The following EXOC6B variants were observed in gnomAD, a reference collection of about 807,000 sequenced individuals.
EXOC6B encodes SEC15 homolog B.
Under a neutral mutation model 113.5 loss-of-function variants are expected in EXOC6B, and 54 were observed. That is an observed-to-expected ratio of 0.48 (90% CI 0.38 to 0.60). EXOC6B has a LOEUF of 0.60. Among genes scored for constraint, EXOC6B ranks in the 20% least tolerant of loss-of-function variants. EXOC6B has a pLI of 0.00. For missense variants in EXOC6B, 797 were observed against 977.5 expected (o/e 0.82, Z 2.46); for synonymous variants, 357 against 339.0 (o/e 1.05, Z -0.58).
At chr2:72,187,311 A>C (rs550165215) in intron 20 of EXOC6B, among the ~76,000 whole-genome samples, 24 of 151,858 alleles carry the variant, frequency 1.6e-4, no homozygotes, top group Non-Finnish European at 3.1e-4. Flanking sequence ...CTCTTCACCC[A>C]TAATGTGGCA....
At chr2:72,658,537 A>G (rs1674775352) in intron 6 of EXOC6B, among the ~76,000 whole-genome samples, 1 of 151,904 alleles carries the variant, frequency 6.6e-6, no homozygotes, top group South Asian at 2.1e-4. Context: ...CTCTAAATAT[A>G]AATTATATAT....
chr2:72,483,920 A>G (rs1699260115), intron 16 of EXOC6B, among the ~76,000 whole-genome samples: 1 of 152,244 alleles, frequency 6.6e-6, no homozygotes. Context: ...TTTCAAGGAC[A>G]TAAAACTAAT....
At chr2:72,265,237 C>A (rs1256801339) in intron 20 of EXOC6B, among the ~76,000 whole-genome samples, 1 of 124,348 alleles carries the variant, frequency 8.0e-6, no homozygotes, top group Non-Finnish European at 1.7e-5. Flanking sequence ...CTTAACTATT[C>A]TTTTATTATT....
intron 18 of EXOC6B, among the ~76,000 whole-genome samples, chr2:72,401,514 T>TAC (rs1423565394): frequency 1.2e-4 from 6 of 51,484 alleles, no homozygotes; most frequent in East Asian, 3.9e-4. Context: ...TATATATATA[T>TAC]ACATATATAC....
At chr2:72,796,779 T>C (rs1262020226) in intron 1 of EXOC6B, among the ~76,000 whole-genome samples, 2 of 152,124 alleles carry the variant, frequency 1.3e-5, no homozygotes, top group African/African-American at 4.8e-5. Context: ...ATAGTGAAGA[T>C]TTGGAGGAAG....
chr2:72,385,724 G>A (rs920360923), intron 18 of EXOC6B, among the ~76,000 whole-genome samples: 3 of 152,068 alleles, frequency 2.0e-5, no homozygotes, highest in Admixed American at 2.0e-4. Flanking sequence ...TTTCTCAAGA[G>A]AAGACACATG....
intron 20 of EXOC6B, among the ~76,000 whole-genome samples, chr2:72,281,598 A>T (rs1024686094): frequency 6.6e-6 from 1 of 152,242 alleles, no homozygotes; most frequent in African/African-American, 2.4e-5. Flanking sequence ...CAGAAGCAAA[A>T]TCTAGACTGA....
At chr2:72,523,618 A>G (rs1180603281) in intron 8 of EXOC6B, among the ~76,000 whole-genome samples, 1 of 151,962 alleles carries the variant, frequency 6.6e-6, no homozygotes, top group Non-Finnish European at 1.5e-5. Flanking sequence ...CTGTACTACA[A>G]ATACAAAAAG....
At chr2:72,329,998 A>T (rs1164250676) in intron 20 of EXOC6B, among the ~76,000 whole-genome samples, 1 of 152,088 alleles carries the variant, frequency 6.6e-6, no homozygotes, top group African/African-American at 2.4e-5. Context: ...AGCCCTAGAT[A>T]TCTTGGGATG....
At chr2:72,254,002 T>C (rs1683188607) in intron 20 of EXOC6B, among the ~76,000 whole-genome samples, 1 of 151,644 alleles carries the variant, frequency 6.6e-6, no homozygotes. Context: ...CTACTAAAAA[T>C]ATAAAAAATT....
In EXOC6B at chr2:72,675,198, C is replaced by G. The variant is rs13407894; in HGVS notation, c.669+42905G>C. 2.0e-3 allele frequency among the ~76,000 whole-genome samples: 305 copies of G among 152,322 alleles called. 2 individuals carry two copies. The highest frequency in any genetic ancestry group is 7.3e-3 in the African/African-American group (303 of 41,576). Reference sequence around the variant, plus strand: ...GAATATCACTAACTGGTTCTTTGAACTTTGTACTGACTTTCATGTTTGGAA... The same window carrying G: ...GAATATCACTAACTGGTTCTTTGAAGTTTGTACTGACTTTCATGTTTGGAA... On this transcript the variant is annotated intron_variant, in intron 6 of 21. Transcript: ENST00000272427.
At chr2:72,527,825 C>T (rs924320852) in intron 8 of EXOC6B, among the ~76,000 whole-genome samples, 4 of 151,852 alleles carry the variant, frequency 2.6e-5, no homozygotes, top group South Asian at 2.1e-4. Flanking sequence ...ATATCTGCCT[C>T]GGTGAATTGT....
At chr2:72,510,278 TA>T (rs1440455517) in intron 11 of EXOC6B, among the ~76,000 whole-genome samples, 7 of 152,132 alleles carry the variant, frequency 4.6e-5, no homozygotes, top group African/African-American at 1.7e-4. Flanking sequence ...CTCAGAGTGT[TA>T]AATAGTTCAA....
At chr2:72,375,158 C>T (rs1691281894) in intron 19 of EXOC6B, among the ~76,000 whole-genome samples, 1 of 151,960 alleles carries the variant, frequency 6.6e-6, no homozygotes, top group South Asian at 2.1e-4. Context: ...AATAACAGAG[C>T]TTCAAAATGC....
intron 16 of EXOC6B, among the ~76,000 whole-genome samples, chr2:72,485,802 T>C (rs137940921): frequency 6.6e-6 from 1 of 152,288 alleles, no homozygotes; most frequent in East Asian, 1.9e-4. Context: ...AAAGAATAAA[T>C]GCAAAGCACT....
At chr2:72,225,962 C>T (rs747135565) in intron 20 of EXOC6B, among the ~76,000 whole-genome samples, 2 of 152,118 alleles carry the variant, frequency 1.3e-5, no homozygotes, top group Non-Finnish European at 2.9e-5. Flanking sequence ...GAAGTTGTAT[C>T]CATTTATAGT....
chr2:72,682,526 T>C (rs1335039111), intron 6 of EXOC6B, among the ~76,000 whole-genome samples: 1 of 152,144 alleles, frequency 6.6e-6, no homozygotes, highest in East Asian at 1.9e-4. Flanking sequence ...AAAGAGAACA[T>C]GTTTCAAATG....
Position 72,575,660 on chromosome 2 carries a change from C to A in EXOC6B, c.678G>T (p.Gln226His). Residue 226 changes from glutamine (Q) to histidine (H), a missense_variant, in exon 7 of 22, where the codon CAG (glutamine) becomes CAT (histidine). Coordinates refer to ENST00000272427, the MANE Select transcript of EXOC6B (RefSeq NM_015189.3). ...AGACGATGTTATCCAGGTTTCTTTG[C>A]TGCTGGGCCTAGGATAGAGAAGAAC... is the stretch of plus-strand genomic sequence containing the variant. ...IGETAMKQAQ[Q>H]QRNLDNIVLQ... 3 of 1,597,350 alleles carry A rather than the reference C, an allele frequency of 1.9e-6. No homozygotes were observed. Among genetic ancestry groups the A allele is most frequent in the Non-Finnish European group, 2.6e-6 (3 of 1,173,330 alleles).
Position 72,197,868 on chromosome 2 carries a change from C to T in EXOC6B, c.2197-13681G>A, listed in dbSNP as rs901682417. Among the ~76,000 whole-genome samples, 15 of 152,224 alleles carry T rather than the reference C, an allele frequency of 9.9e-5. No homozygotes were observed. The East Asian group carries it at 2.7e-3, about 27-fold the overall frequency. The stretch of plus-strand genomic sequence containing the variant: ...GCTATGGAAAACTAGAGTACATAAT[C>T]CTCCTAAAGGCATTCACATTTAGAT... On this transcript the variant is annotated intron_variant, in intron 20 of 21. Coordinates refer to ENST00000272427, the MANE Select transcript of EXOC6B (RefSeq NM_015189.3).
Sources: allele counts gnomAD v4.1 joint callset (sites outside exome capture counted in the v4.1 genomes callset), GRCh38; gene constraint gnomAD v4.1.1; transcripts MANE v1.5; gene names NCBI Gene and HGNC (gene_info 2026-07-23, HGNC 2026-07-21).